SLC35D4: variants seen among roughly 807,000 people sequenced by gnomAD.
SLC35D4 encodes UDP-N-acetylglucosamine transporter SLC35D4.
the SLC35D4 span, among the ~76,000 whole-genome samples, chr18:23,385,401 G>T: frequency 6.6e-6 from 1 of 152,210 alleles, no homozygotes; most frequent in Non-Finnish European, 1.5e-5. Flanking sequence ...AGTGCACCCC[G>T]CCCGGCACAC....
chr18:23,248,879 TGAG>T, the SLC35D4 span, among the ~76,000 whole-genome samples: 2 of 152,194 alleles, frequency 1.3e-5, no homozygotes, highest in African/African-American at 4.8e-5. Context: ...CTAGAATCAT[TGAG>T]GAGGCTGACA....
the SLC35D4 span, among the ~76,000 whole-genome samples, chr18:23,374,442 G>C: frequency 6.6e-6 from 1 of 151,376 alleles, no homozygotes; most frequent in East Asian, 1.9e-4. Context: ...ATAAAAAACT[G>C]AGGAACTGTT....
chr18:23,317,446 CAGGT>C, the SLC35D4 span, among the ~76,000 whole-genome samples: 1 of 152,188 alleles, frequency 6.6e-6, no homozygotes, highest in African/African-American at 2.4e-5. Flanking sequence ...ATCATCACTG[CAGGT>C]ATCATGTACT....
chr18:23,290,094 T>C, the SLC35D4 span, among the ~76,000 whole-genome samples: 10 of 152,310 alleles, frequency 6.6e-5, no homozygotes, highest in East Asian at 1.9e-3. Context: ...TGAAGTGAGA[T>C]GCCGCGTGGG....
chr18:23,259,442 A>ATTTG, the SLC35D4 span: 1 of 152,138 alleles, frequency 6.6e-6, no homozygotes, highest in South Asian at 2.1e-4. Context: ...ATTTGGGGTG[A>ATTTG]TTTGTTTGGT....
chr18:23,415,663 A>G, the SLC35D4 span, among the ~76,000 whole-genome samples: 1 of 152,264 alleles, frequency 6.6e-6, no homozygotes, highest in Non-Finnish European at 1.5e-5. Flanking sequence ...AAAGGATTTC[A>G]GCATCTGCTG....
the SLC35D4 span, among the ~76,000 whole-genome samples, chr18:23,281,867 G>T: frequency 4.6e-5 from 7 of 152,196 alleles, no homozygotes; most frequent in Admixed American, 3.9e-4. Flanking sequence ...AAGCAGAGAC[G>T]TCTGTAACAA....
the SLC35D4 span, among the ~76,000 whole-genome samples, chr18:23,436,267 A>C: frequency 6.6e-6 from 1 of 151,636 alleles, no homozygotes; most frequent in African/African-American, 2.4e-5. Context: ...GCCTCAAACA[A>C]TCCACCCGCC....
At chr18:23,405,737 T>A in the SLC35D4 span, among the ~76,000 whole-genome samples, 1 of 152,148 alleles carries the variant, frequency 6.6e-6, no homozygotes, top group Admixed American at 6.5e-5. Context: ...CCTGTTGCAA[T>A]GGCCAACAGC....
chr18:23,267,994 G>A, the SLC35D4 span, among the ~76,000 whole-genome samples: 13 of 152,204 alleles, frequency 8.5e-5, no homozygotes, highest in Non-Finnish European at 1.8e-4. Context: ...GGTCCTGGGG[G>A]CCTCATTTTT....
chr18:23,355,930 A>G, the SLC35D4 span, among the ~76,000 whole-genome samples: 1 of 152,170 alleles, frequency 6.6e-6, no homozygotes, highest in African/African-American at 2.4e-5. Flanking sequence ...GGACCTATCT[A>G]CATAAGTCTT....
At chr18:23,351,184 A>G in the SLC35D4 span, among the ~76,000 whole-genome samples, 1 of 152,154 alleles carries the variant, frequency 6.6e-6, no homozygotes, top group Non-Finnish European at 1.5e-5. Flanking sequence ...AGGTGGGTGG[A>G]TCATTTGAGG....
the SLC35D4 span, among the ~76,000 whole-genome samples, chr18:23,349,428 G>A: frequency 4.6e-5 from 7 of 152,140 alleles, no homozygotes; most frequent in Admixed American, 6.5e-5. Flanking sequence ...GTCAGATATC[G>A]AGAACATCCT....
At chr18:23,330,010 G>C in the SLC35D4 span, among the ~76,000 whole-genome samples, 1 of 152,142 alleles carries the variant, frequency 6.6e-6, no homozygotes, top group Admixed American at 6.5e-5. Context: ...AGATCACTTG[G>C]ACACAGGGTG....
chr18:23,302,100 C>T, the SLC35D4 span, among the ~76,000 whole-genome samples: 1 of 152,330 alleles, frequency 6.6e-6, no homozygotes, highest in African/African-American at 2.4e-5. Context: ...GAATGAAACA[C>T]ACCCTTTCTC....
At chr18:23,425,465 A>G in the SLC35D4 span, among the ~76,000 whole-genome samples, 1 of 152,238 alleles carries the variant, frequency 6.6e-6, no homozygotes, top group Non-Finnish European at 1.5e-5. Flanking sequence ...CAAATTGATC[A>G]TACATTGAAA....
chr18:23,399,605 C>T, the SLC35D4 span: 1 of 1,613,938 alleles, frequency 6.2e-7, no homozygotes, highest in Non-Finnish European at 8.5e-7. Context: ...AGATTATACC[C>T]ACAAACAGCA....
the SLC35D4 span, among the ~76,000 whole-genome samples, chr18:23,363,556 A>G: frequency 1.4e-4 from 21 of 150,966 alleles, no homozygotes; most frequent in Non-Finnish European, 3.0e-5. Context: ...TTGTATTTTT[A>G]GTAGAGACGG....
the SLC35D4 span, chr18:23,370,279 CAT>C: frequency 6.2e-7 from 1 of 1,611,602 alleles, no homozygotes; most frequent in Non-Finnish European, 8.5e-7. Flanking sequence ...TGAAATAAAA[CAT>C]ATCACTGGTC....
Sources: gnomAD v4.1 joint callset for allele counts (sites outside exome capture counted in the v4.1 genomes callset) on GRCh38, gnomAD v4.1.1 for gene constraint, MANE v1.5 for transcripts, NCBI Gene and HGNC (gene_info 2026-07-23, HGNC 2026-07-21) for gene names.